SETD5: variants seen among roughly 807,000 people sequenced by gnomAD.
SETD5 encodes the protein histone-lysine N-methyltransferase SETD5.
A neutral mutation model predicts 153.3 loss-of-function variants in SETD5; 44 were observed. The ratio of observed to expected loss-of-function variants is 0.29; its 90% confidence interval spans 0.23 to 0.37. The LOEUF (loss-of-function observed/expected upper bound fraction) is 0.37. SETD5 is among the 10% of genes least tolerant of loss of function. SETD5 has a pLI of 1.00. For missense variants in SETD5, 1,544 were observed against 1,768.0 expected (o/e 0.87, Z 2.27); for synonymous variants, 716 against 645.2 (o/e 1.11, Z -1.66).
intron 16 of SETD5, among the ~76,000 whole-genome samples, chr3:9,451,429 G>A (rs994812321): frequency 2.0e-5 from 3 of 152,112 alleles, no homozygotes; most frequent in African/African-American, 7.2e-5. Flanking sequence ...GCTAATAAGT[G>A]ACACAGCCAG....
chr3:9,419,515 G>A (rs895695337), intron 1 of SETD5, among the ~76,000 whole-genome samples: 1 of 152,092 alleles, frequency 6.6e-6, no homozygotes, highest in Non-Finnish European at 1.5e-5. Flanking sequence ...GCGGTGAGCT[G>A]TGATTGCACC....
At chr3:9,405,862 G>T (rs939801176) in intron 1 of SETD5, among the ~76,000 whole-genome samples, 8 of 151,926 alleles carry the variant, frequency 5.3e-5, no homozygotes, top group African/African-American at 1.9e-4. Flanking sequence ...ATGTTCTTTG[G>T]CTTATGTTTC....
intron 7 of SETD5, among the ~76,000 whole-genome samples, chr3:9,437,798 T>C (rs1484149471): frequency 6.6e-6 from 1 of 152,020 alleles, no homozygotes; most frequent in Non-Finnish European, 1.5e-5. Context: ...AGGTCAGGAA[T>C]TCAAGACCAG....
chr3:9,451,319 T>A (rs1259572004), intron 16 of SETD5, among the ~76,000 whole-genome samples: 3 of 152,232 alleles, frequency 2.0e-5, no homozygotes, highest in Non-Finnish European at 2.9e-5. Flanking sequence ...TCACATACAT[T>A]ATCTCACTTA....
chr3:9,407,949 G>C (rs143893514), intron 1 of SETD5, among the ~76,000 whole-genome samples: 3 of 151,780 alleles, frequency 2.0e-5, no homozygotes, highest in African/African-American at 7.3e-5. Flanking sequence ...GCAGTGAGCT[G>C]AGATTGCGCC....
intron 16 of SETD5, among the ~76,000 whole-genome samples, chr3:9,452,887 G>C (rs148278924): frequency 6.6e-6 from 1 of 151,986 alleles, no homozygotes; most frequent in Non-Finnish European, 1.5e-5. Flanking sequence ...TCTTATGTCA[G>C]GGCAGGAGAG....
rs148799073 is a variant in SETD5, at chr3:9,454,478, G to A, written c.2476+610G>A. Among the ~76,000 whole-genome samples, 645 of 152,032 alleles carry A rather than the reference G, an allele frequency of 4.2e-3. 3 individuals are homozygous for A. Among genetic ancestry groups the A allele is most frequent in the Admixed American group, 9.7e-3 (148 of 15,264 alleles). Reference sequence around the variant, plus strand: ...TACCAAAAATGCAAAAATTAGCTGGGTGTGGTGGCAGGTGCCTGTAATCCC... The same window carrying A: ...TACCAAAAATGCAAAAATTAGCTGGATGTGGTGGCAGGTGCCTGTAATCCC... On this transcript the variant is annotated intron_variant, in intron 17 of 22. Coordinates refer to ENST00000402198, the MANE Select transcript of SETD5 (RefSeq NM_001080517.3).
chr3:9,457,217 G>C (rs888924583), intron 17 of SETD5, among the ~76,000 whole-genome samples: 1 of 152,100 alleles, frequency 6.6e-6, no homozygotes, highest in African/African-American at 2.4e-5. Context: ...GGCCAGGCGT[G>C]GTGGCTCACG....
chr3:9,411,162 A>G (rs1235494520), intron 1 of SETD5, among the ~76,000 whole-genome samples: 2 of 152,058 alleles, frequency 1.3e-5, no homozygotes, highest in Non-Finnish European at 2.9e-5. Flanking sequence ...TCTCTCTTGA[A>G]ATGCCAGACC....
chr3:9,469,353 T>G (rs1433907192), intron 18 of SETD5, among the ~76,000 whole-genome samples: 1 of 152,226 alleles, frequency 6.6e-6, no homozygotes, highest in East Asian at 1.9e-4. Flanking sequence ...ACTCTGAATC[T>G]ATTAATACAT....
intron 7 of SETD5, among the ~76,000 whole-genome samples, chr3:9,439,166 T>C (rs1367253600): frequency 6.6e-6 from 1 of 152,216 alleles, no homozygotes; most frequent in Non-Finnish European, 1.5e-5. Flanking sequence ...CACTATTCTT[T>C]TGCGCAACTG....
At chr3:9,444,612 C>G (rs925551541) in intron 11 of SETD5, among the ~76,000 whole-genome samples, 18 of 151,988 alleles carry the variant, frequency 1.2e-4, no homozygotes, top group African/African-American at 4.1e-4. Flanking sequence ...AGTGTTACGT[C>G]AGGCGCGGTG....
rs571888498 is a variant in SETD5 at position 9,445,971 on chromosome 3, T to G, written c.1524+231T>G. Among the ~76,000 whole-genome samples, 343 of 146,046 alleles carry G rather than the reference T, an allele frequency of 2.3e-3. 4 individuals carry two copies. Among genetic ancestry groups the G allele is most frequent in the African/African-American group, 8.5e-3 (332 of 39,002 alleles). ...GTGATGGTTTGAAGAGGTTGTTTTTTTTTTTTTTTTTTTTTTTACTAACAA... is the reference window on the plus strand; with the variant it reads ...GTGATGGTTTGAAGAGGTTGTTTTTGTTTTTTTTTTTTTTTTTACTAACAA... On this transcript the variant is annotated intron_variant, in intron 13 of 22. Transcript: ENST00000402198.
At position 9,478,125 on chromosome 3, in the gene SETD5, T is replaced by C. The variant is rs1458940363; in HGVS notation, c.*2034T>C. 1 of 153,292 alleles carries C rather than the reference T, an allele frequency of 6.5e-6. No homozygotes were observed. Among genetic ancestry groups the C allele is most frequent in the Non-Finnish European group, 1.5e-5 (1 of 68,590 alleles). 9.5% of individuals were successfully genotyped at this position (153,292 alleles called of 1,614,324 possible). On this transcript the variant is annotated 3_prime_UTR_variant, in exon 23 of 23. Coordinates refer to ENST00000402198, the MANE Select transcript of SETD5 (RefSeq NM_001080517.3). ...GATGTAATAATTTTGATAATAAAAT[T>C]CTTAACCATAATAATCATAAAGTTG...
intron 17 of SETD5, among the ~76,000 whole-genome samples, chr3:9,460,147 A>G (rs929929382): frequency 6.6e-6 from 1 of 152,090 alleles, no homozygotes; most frequent in Non-Finnish European, 1.5e-5. Context: ...CTAGAGAGTT[A>G]ATTGAAAAAC....
intron 17 of SETD5, among the ~76,000 whole-genome samples, chr3:9,454,725 T>C (rs2043028847): frequency 6.6e-6 from 1 of 151,888 alleles, no homozygotes; most frequent in Non-Finnish European, 1.5e-5. Context: ...AAATCATCTG[T>C]TCCATTGGTT....
intron 1 of SETD5, among the ~76,000 whole-genome samples, chr3:9,423,867 T>G (rs2124956197): frequency 6.6e-6 from 1 of 152,348 alleles, no homozygotes; most frequent in South Asian, 2.1e-4. Flanking sequence ...TTTCCCTTCC[T>G]TTTTGGAAGG....
chr3:9,467,919 G>A (rs1398489516), intron 18 of SETD5, among the ~76,000 whole-genome samples: 1 of 151,758 alleles, frequency 6.6e-6, no homozygotes, highest in African/African-American at 2.4e-5. Flanking sequence ...ATTAGATTAT[G>A]CCAAGAACCA....
In SETD5 at chr3:9,453,739, C is replaced by T. The variant is rs752026901; in HGVS notation, c.2347C>T (p.Arg783Cys). Reference protein sequence around the residue: ...PDGTFSSCKKRWIKQALEEGM... With the variant: ...PDGTFSSCKKCWIKQALEEGM... ...ATTCTCTGGTTCTTTTCAATTATAG[C>T]GCTGGATAAAACAAGCCTTAGAAGA... The change falls in exon 17 of 23, where the codon CGC (arginine) becomes TGC (cysteine). Residue 783 changes from arginine (R) to cysteine (C), a missense_variant and splice_region_variant. Coordinates refer to ENST00000402198, the MANE Select transcript of SETD5 (RefSeq NM_001080517.3). The T allele has an allele frequency of 5.7e-6, 9 of 1,584,164 alleles. No individual in the cohort carries two copies. Among genetic ancestry groups the T allele is most frequent in the Admixed American group, 2.0e-5 (1 of 50,384 alleles).
Sources: allele counts gnomAD v4.1 joint callset (sites outside exome capture counted in the v4.1 genomes callset), GRCh38; gene constraint gnomAD v4.1.1; transcripts MANE v1.5; gene names NCBI Gene and HGNC (gene_info 2026-07-23, HGNC 2026-07-21).